The following LPP variants were observed in gnomAD, a reference collection of about 807,000 sequenced individuals.
LPP encodes the protein LIM domain containing preferred translocation partner in lipoma, also known as lipoma-preferred partner.
Under a neutral mutation model 60.4 loss-of-function variants are expected in LPP, and 38 were observed. That is an observed-to-expected ratio of 0.63 (90% CI 0.49 to 0.83). The LOEUF is 0.83. LPP is among the 40% of genes least tolerant of loss of function. The pLI is 0.00. For synonymous variants in LPP, 328 were observed against 290.8 expected (o/e 1.13, Z -1.30); for missense variants, 902 against 783.6 (o/e 1.15, Z -1.80).
At chr3:188,805,796 C>G (rs1272782927) in intron 9 of LPP, among the ~76,000 whole-genome samples, 4 of 151,560 alleles carry the variant, frequency 2.6e-5, no homozygotes, top group African/African-American at 9.7e-5. Context: ...CATTTTCATT[C>G]AAGATATTTT....
chr3:188,358,394 G>A (rs1768230630), intron 3 of LPP, among the ~76,000 whole-genome samples: 1 of 152,134 alleles, frequency 6.6e-6, no homozygotes, highest in Non-Finnish European at 1.5e-5. Context: ...AAGGATTAGG[G>A]AAGAAGTATA....
intron 5 of LPP, among the ~76,000 whole-genome samples, chr3:188,494,877 A>G (rs1473847942): frequency 6.6e-6 from 1 of 151,506 alleles, no homozygotes. Flanking sequence ...GACATAATGC[A>G]CATAAAGAAT....
chr3:188,179,736 G>C (rs1724354285), intron 1 of LPP: 2 of 340,614 alleles, frequency 5.9e-6, no homozygotes, highest in African/African-American at 4.3e-5. Flanking sequence ...CTGAGTCAGT[G>C]AGAGCAGTAG....
At chr3:188,859,004 G>A (rs918978101) in intron 9 of LPP, among the ~76,000 whole-genome samples, 5 of 148,164 alleles carry the variant, frequency 3.4e-5, no homozygotes, top group East Asian at 2.0e-4. Flanking sequence ...CAGGAGAATC[G>A]CTTGAACCTC....
intron 4 of LPP, among the ~76,000 whole-genome samples, chr3:188,483,623 A>T (rs974511404): frequency 6.6e-6 from 1 of 152,198 alleles, no homozygotes; most frequent in Non-Finnish European, 1.5e-5. Flanking sequence ...AAGCTCTTGG[A>T]TATATGTGTA....
At chr3:188,319,978 G>C (rs2150368634) in intron 2 of LPP, among the ~76,000 whole-genome samples, 1 of 152,266 alleles carries the variant, frequency 6.6e-6, no homozygotes, top group South Asian at 2.1e-4. Context: ...GTAACGGTCA[G>C]GTATTTTGAA....
At chr3:188,230,495 A>T (rs1023852647) in intron 2 of LPP, among the ~76,000 whole-genome samples, 1 of 152,156 alleles carries the variant, frequency 6.6e-6, no homozygotes, top group African/African-American at 2.4e-5. Flanking sequence ...GGAGAAAGAA[A>T]AAAATAGGCC....
At chr3:188,599,039 G>T (rs1170655538) in intron 6 of LPP, among the ~76,000 whole-genome samples, 2 of 152,134 alleles carry the variant, frequency 1.3e-5, no homozygotes, top group African/African-American at 4.8e-5. Flanking sequence ...ATTTCTAGAT[G>T]ATAGAACACA....
intron 9 of LPP, among the ~76,000 whole-genome samples, chr3:188,830,776 A>C (rs992122674): frequency 2.0e-5 from 3 of 152,126 alleles, no homozygotes; most frequent in African/African-American, 7.2e-5. Flanking sequence ...CTGACATGTC[A>C]ATTTTTCCTA....
chr3:188,469,012 C>T (rs1465077573), intron 4 of LPP, among the ~76,000 whole-genome samples: 1 of 152,110 alleles, frequency 6.6e-6, no homozygotes, highest in African/African-American at 2.4e-5. Flanking sequence ...TCTTCTATCC[C>T]ATGACTTCCT....
intron 2 of LPP, among the ~76,000 whole-genome samples, chr3:188,225,766 G>A (rs575490385): frequency 1.3e-5 from 2 of 152,284 alleles, no homozygotes; most frequent in South Asian, 2.1e-4. Context: ...CTCAGCTCTT[G>A]GAAGGTGGTA....
chr3:188,505,122 A>C (rs1466204159), intron 5 of LPP, among the ~76,000 whole-genome samples: 1 of 152,212 alleles, frequency 6.6e-6, no homozygotes, highest in African/African-American at 2.4e-5. Flanking sequence ...GCTTCCCTCC[A>C]GAAAGTAGAC....
intron 2 of LPP, among the ~76,000 whole-genome samples, chr3:188,241,477 G>T (rs1024868771): frequency 1.3e-5 from 2 of 152,168 alleles, no homozygotes; most frequent in Admixed American, 1.3e-4. Flanking sequence ...GGGAGAAAAA[G>T]TCATCAGAGT....
intron 6 of LPP, among the ~76,000 whole-genome samples, chr3:188,543,145 A>G (rs1266960289): frequency 2.0e-5 from 3 of 152,098 alleles, no homozygotes; most frequent in Non-Finnish European, 2.9e-5. Context: ...TTCTGTTAGT[A>G]TGATCGGAAA....
At chr3:188,372,747 T>A (rs1773663098) in intron 3 of LPP, among the ~76,000 whole-genome samples, 1 of 152,020 alleles carries the variant, frequency 6.6e-6, no homozygotes, top group African/African-American at 2.4e-5. Flanking sequence ...AGGGTACATG[T>A]GTACAACGTG....
At chr3:188,314,361 G>A (rs997128452) in intron 2 of LPP, among the ~76,000 whole-genome samples, 19 of 151,700 alleles carry the variant, frequency 1.3e-4, no homozygotes, top group Non-Finnish European at 2.5e-4. Flanking sequence ...AAGAAACTTT[G>A]AAAGTAATCA....
At chr3:188,816,887 A>G (rs912651695) in intron 9 of LPP, among the ~76,000 whole-genome samples, 2 of 152,354 alleles carry the variant, frequency 1.3e-5, no homozygotes, top group Admixed American at 1.3e-4. Context: ...AAATATTGCA[A>G]TGATCTGAAT....
At chr3:188,323,395 C>A (rs996667599) in intron 2 of LPP, among the ~76,000 whole-genome samples, 2 of 152,134 alleles carry the variant, frequency 1.3e-5, no homozygotes, top group African/African-American at 2.4e-5. Flanking sequence ...TATCTACTAC[C>A]GTTCACCATG....
intron 2 of LPP, among the ~76,000 whole-genome samples, chr3:188,246,028 T>C (rs1451360436): frequency 6.6e-6 from 1 of 152,236 alleles, no homozygotes; most frequent in Non-Finnish European, 1.5e-5. Flanking sequence ...TAAAATCGTG[T>C]GAAATGATGT....
Sources: gnomAD v4.1 joint callset for allele counts (sites outside exome capture counted in the v4.1 genomes callset) on GRCh38, gnomAD v4.1.1 for gene constraint, MANE v1.5 for transcripts, NCBI Gene and HGNC (gene_info 2026-07-23, HGNC 2026-07-21) for gene names.